RICTOR: variants seen among roughly 807,000 people sequenced by gnomAD.
RICTOR encodes rapamycin-insensitive companion of mTOR.
In RICTOR, 49 loss-of-function variants were observed where a neutral mutation model predicts 214.9. That is an observed-to-expected ratio of 0.23 (90% CI 0.18 to 0.29). The LOEUF (loss-of-function observed/expected upper bound fraction) is 0.29. Ranked by LOEUF, RICTOR falls within the 10% of genes least tolerant of loss-of-function variation. The probability of loss-of-function intolerance (pLI) is 1.00; values close to 1 mark genes in which losing one functional copy is unlikely to be tolerated. For synonymous variants in RICTOR, 717 were observed against 711.3 expected (o/e 1.01, Z -0.13); for missense variants, 1,625 against 2,047.0 (o/e 0.79, Z 3.98).
chr5:39,009,165 A>G (rs897254124), intron 3 of RICTOR, among the ~76,000 whole-genome samples: 3 of 152,112 alleles, frequency 2.0e-5, no homozygotes, highest in African/African-American at 7.2e-5. Context: ...TTTTCCCCTA[A>G]GTGTGTACTT....
In RICTOR at chr5:38,953,496, C is replaced by A; in HGVS notation, c.2755G>T (p.Glu919Ter). The part of the protein sequence containing the change: ...VRTPDLDKWE[E>*]IKKLKASLWA... ...AGAGATGCTTTCAGTTTTTTAATTT[C>A]TTCCCACTTATCCAAATCTGGTGTA... The change falls in exon 28 of 38, where the codon GAA becomes TAA. Residue 919 changes from glutamate to a stop codon, truncating the protein, a stop_gained. Coordinates refer to ENST00000357387, the MANE Select transcript of RICTOR (RefSeq NM_152756.5). LOFTEE classifies it high-confidence loss of function. The A allele has an allele frequency of 6.7e-7, 1 of 1,502,886 alleles. No individual in the cohort carries two copies. The highest frequency in any genetic ancestry group is 8.9e-7 in the Non-Finnish European group (1 of 1,120,562). 93.1% of individuals were successfully genotyped at this position (1,502,886 alleles called of 1,614,324 possible). A position where few individuals can be genotyped will look rare whatever the true frequency, so the allele number is the denominator to read the frequency against.
chr5:39,008,141 T>C (rs113439157), intron 3 of RICTOR, among the ~76,000 whole-genome samples: 3 of 151,936 alleles, frequency 2.0e-5, no homozygotes, highest in African/African-American at 7.2e-5. Context: ...TATTGCTAAA[T>C]GGGGAAAAGA....
rs769290220 is a variant in RICTOR, at chr5:38,996,807, CAT to C, written c.456+10_456+11del. 1.1e-5 allele frequency: 17 copies of C among 1,587,086 alleles called. No individual in the cohort carries two copies. The highest frequency in any genetic ancestry group is 2.2e-5 in the South Asian group (2 of 89,970). On this transcript the variant is annotated intron_variant, in intron 6 of 37. Coordinates refer to ENST00000357387, the MANE Select transcript of RICTOR (RefSeq NM_152756.5). ...CATAAATTTGCCTTTTACTCTCACACATAGAGCATACCTTTCTGACTAATCGA... is the reference window on the plus strand; with the variant it reads ...CATAAATTTGCCTTTTACTCTCACACAGAGCATACCTTTCTGACTAATCGA...
chr5:38,942,571 C>A (rs947436976), intron 37 of RICTOR, among the ~76,000 whole-genome samples, 193 bp from the exon 38 acceptor site: 2 of 151,064 alleles, frequency 1.3e-5, no homozygotes, highest in South Asian at 4.2e-4. Context: ...CCACCTCAGC[C>A]TCCCAAGTAG....
chr5:38,982,190 T>G (rs570901677), intron 7 of RICTOR, among the ~76,000 whole-genome samples, 154 bp from the exon 8 acceptor site: 4 of 152,320 alleles, frequency 2.6e-5, no homozygotes, highest in Non-Finnish European at 5.9e-5. Flanking sequence ...GTGGAAAATG[T>G]AAGAGTCACT....
At chr5:38,954,699 A>G (rs992391619) in intron 27 of RICTOR, 75 bp downstream of exon 27, 1 of 897,040 alleles carries the variant, frequency 1.1e-6, no homozygotes, top group Non-Finnish European at 1.8e-6. Context: ...TGCAAAGGTA[A>G]TATTTTAGCA....
chr5:39,029,160 T>C (rs892810479), intron 2 of RICTOR, among the ~76,000 whole-genome samples: 10 of 152,184 alleles, frequency 6.6e-5, no homozygotes, highest in Non-Finnish European at 1.0e-4. Context: ...TGTTTGGAAG[T>C]AGTGGATAAT....
chr5:39,074,011 C>T, intron 2 of RICTOR, 100 bp downstream of exon 2: 2 of 822,558 alleles, frequency 2.4e-6, no homozygotes, highest in Non-Finnish European at 3.2e-6. Flanking sequence ...CGCACCCCGC[C>T]GGTCCCGTGC....
At chr5:39,050,322 CTTTG>C (rs1169582538) in intron 2 of RICTOR, among the ~76,000 whole-genome samples, 1 of 151,560 alleles carries the variant, frequency 6.6e-6, no homozygotes, top group African/African-American at 2.4e-5. Context: ...GAACTTACTG[CTTTG>C]TTTTTCTTTG....
At chr5:39,038,798 T>C in intron 2 of RICTOR, among the ~76,000 whole-genome samples, 1 of 152,144 alleles carries the variant, frequency 6.6e-6, no homozygotes, top group East Asian at 1.9e-4. Context: ...TACAAACCAC[T>C]GCTCAATGAA....
At chr5:39,007,627 G>T (rs571663809) in intron 3 of RICTOR, among the ~76,000 whole-genome samples, 1 of 152,076 alleles carries the variant, frequency 6.6e-6, no homozygotes, top group East Asian at 1.9e-4. Flanking sequence ...AACAGGCAAA[G>T]AAAATGTACA....
intron 31 of RICTOR, among the ~76,000 whole-genome samples, chr5:38,948,171 A>G (rs1748401012): frequency 6.6e-6 from 1 of 152,178 alleles, no homozygotes; most frequent in East Asian, 1.9e-4. Flanking sequence ...GTATATATAC[A>G]AGGCACTATG....
intron 2 of RICTOR, among the ~76,000 whole-genome samples, chr5:39,027,835 C>T (rs1156839708): frequency 1.3e-5 from 2 of 152,034 alleles, no homozygotes; most frequent in African/African-American, 2.4e-5. Flanking sequence ...ATCCTCTGCT[C>T]ATCAAAAGAC....
At chr5:38,973,306 G>A (rs1750939373) in intron 10 of RICTOR, among the ~76,000 whole-genome samples, 1 of 152,118 alleles carries the variant, frequency 6.6e-6, no homozygotes, top group African/African-American at 2.4e-5. Context: ...ACCATAAACA[G>A]ACATCTAGTT....
chr5:38,959,242 C>A lies in RICTOR; in HGVS notation c.2131G>T (p.Gly711Ter). The change falls in exon 22 of 38, where the codon GGA becomes TGA. Residue 711 changes from glycine (G) to a stop codon, truncating the protein, a stop_gained. Coordinates refer to ENST00000357387, the MANE Select transcript of RICTOR (RefSeq NM_152756.5). LOFTEE classifies it high-confidence loss of function. ...TVSSLDYSRD[G>*]LARVILSKIL... ...TTGGAAAGGATGACTCTAGCCAATCCATCTCTGCTATAGTCCAAGCTAGAA... is the reference window on the plus strand; with the variant it reads ...TTGGAAAGGATGACTCTAGCCAATCAATCTCTGCTATAGTCCAAGCTAGAA... 1 of 1,602,672 alleles carries A rather than the reference C, an allele frequency of 6.2e-7. No individual in the cohort carries two copies. The highest frequency in any genetic ancestry group is 8.5e-7 in the Non-Finnish European group (1 of 1,173,494).
At chr5:39,028,827 G>GT (rs1756058833) in intron 2 of RICTOR, among the ~76,000 whole-genome samples, 1 of 152,158 alleles carries the variant, frequency 6.6e-6, no homozygotes, top group Admixed American at 6.5e-5. Flanking sequence ...GAGCCCAGGT[G>GT]TTTGAGGCTG....
intron 3 of RICTOR, among the ~76,000 whole-genome samples, chr5:39,006,248 T>G (rs1366221570): frequency 2.0e-5 from 3 of 152,222 alleles, no homozygotes; most frequent in East Asian, 3.9e-4. Flanking sequence ...CCGAGCAGCT[T>G]CCTGCTGCCT....
chr5:38,966,957 T>G, intron 14 of RICTOR: 1 of 621,542 alleles, frequency 1.6e-6, no homozygotes, highest in South Asian at 2.0e-5. Context: ...TATGCCATCA[T>G]GCATGGCTAA....
At chr5:39,039,070 T>TAC (rs1333191413) in intron 2 of RICTOR, among the ~76,000 whole-genome samples, 1 of 152,124 alleles carries the variant, frequency 6.6e-6, no homozygotes, top group African/African-American at 2.4e-5. Context: ...CAAACTATAC[T>TAC]ACAAGGCTAC....
Sources: allele counts gnomAD v4.1 joint callset (sites outside exome capture counted in the v4.1 genomes callset), GRCh38; gene constraint gnomAD v4.1.1; transcripts MANE v1.5; gene names NCBI Gene and HGNC (gene_info 2026-07-23, HGNC 2026-07-21).